Variants in PLEKHA7 observed in about 807,000 individuals in gnomAD.
PLEKHA7 encodes pleckstrin homology domain containing A7, also known as pleckstrin homology domain-containing family A member 7.
PLEKHA7 carries 104 observed loss-of-function variants against 170.0 expected under a neutral mutation model. That is an observed-to-expected ratio of 0.61 (90% confidence interval 0.52 to 0.72). The LOEUF is 0.72. Ranked by LOEUF, PLEKHA7 falls within the 30% of genes least tolerant of loss-of-function variation. The pLI is 0.00. For missense variants in PLEKHA7, 1,615 were observed against 1,671.7 expected, an observed-to-expected ratio of 0.97 and a Z score of 0.59; for synonymous variants, 648 against 660.8, an observed-to-expected ratio of 0.98 and a Z score of 0.30.
At chr11:16,785,119 C>G (rs1371860308) in intron 24 of PLEKHA7, among the ~76,000 whole-genome samples, 1 of 152,138 alleles carries the variant, frequency 6.6e-6, no homozygotes, top group Non-Finnish European at 1.5e-5. Context: ...TTCCTTTGTT[C>G]CCAAAGACCA....
chr11:16,786,183 G>A (rs1273076045), intron 24 of PLEKHA7, 46 bp downstream of exon 24: 3 of 1,529,158 alleles, frequency 2.0e-6, no homozygotes, highest in Non-Finnish European at 2.6e-6. Flanking sequence ...CTGGGAACTT[G>A]AAGGCCATGT....
chr11:16,834,767 G>C (rs1851378146), intron 9 of PLEKHA7, among the ~76,000 whole-genome samples: 1 of 152,106 alleles, frequency 6.6e-6, no homozygotes, highest in Admixed American at 6.5e-5. Context: ...CAAAAAGGTT[G>C]TTGAGAATCA....
intron 26 of PLEKHA7, chr11:16,781,352 G>A (rs969283010): frequency 3.9e-5 from 6 of 152,680 alleles, no homozygotes; most frequent in African/African-American, 1.4e-4. Context: ...AGCATGTTAG[G>A]GCTGGGAGCG....
rs1247582738 is a variant in PLEKHA7, at chr11:16,826,190, G to A, written c.1273C>T (p.His425Tyr). Residue 425 changes from histidine to tyrosine, a missense_variant, in exon 10 of 27, where the codon CAC (histidine) becomes TAC (tyrosine). By Grantham distance (83) the His-to-Tyr change is moderately conservative. Coordinates refer to ENST00000531066, the MANE Select transcript of PLEKHA7 (RefSeq NM_001329630.2). ...AFPPRTNPEK[H>Y]SQRKSNLAQV... Reference sequence around the variant, plus strand: ...GCCAGATTGCTCTTCCTTTGGCTGTGTTTTTCAGGGTTGGTCCTGGGAGGA... The same window carrying A: ...GCCAGATTGCTCTTCCTTTGGCTGTATTTTTCAGGGTTGGTCCTGGGAGGA... The A allele has an allele frequency of 6.2e-7, 1 of 1,614,210 alleles. No homozygotes were observed. The highest frequency in any genetic ancestry group is 8.5e-7 in the Non-Finnish European group (1 of 1,180,044).
intron 10 of PLEKHA7, among the ~76,000 whole-genome samples, chr11:16,819,578 A>G (rs888632367): frequency 3.9e-5 from 6 of 152,222 alleles, no homozygotes; most frequent in African/African-American, 1.2e-4. Context: ...TTTGGTGCTG[A>G]TATTGTGCCA....
chr11:16,845,672 A>G (rs988640858), intron 8 of PLEKHA7, among the ~76,000 whole-genome samples: 2 of 152,050 alleles, frequency 1.3e-5, no homozygotes, highest in African/African-American at 2.4e-5. Flanking sequence ...CAGCCTTATT[A>G]AAGGGTTTAA....
At position 16,803,035 on chromosome 11, in the gene PLEKHA7, G is replaced by C; in HGVS notation, c.2094C>G (p.Phe698Leu). The change falls in exon 15 of 27, where the codon TTC becomes TTG. Residue 698 changes from phenylalanine to leucine, a missense_variant. Physicochemically the swap from Phe to Leu is conservative, Grantham distance 22 (BLOSUM62 0). Coordinates refer to ENST00000531066, the MANE Select transcript of PLEKHA7 (RefSeq NM_001329630.2). ...ESDTDVKLSIFCEQDRVLQDL... is the reference protein window; with the variant it reads ...ESDTDVKLSILCEQDRVLQDL... ...CCTGGAGGACCCTGTCTTGTTCACA[G>C]AAGATGCTCAGTTTGACCTAAAAGC... The C allele has an allele frequency of 6.8e-6, 11 of 1,614,158 alleles. No individual in the cohort carries two copies. Among genetic ancestry groups the C allele is most frequent in the Non-Finnish European group, 9.3e-6 (11 of 1,180,004 alleles).
chr11:16,977,198 C>T (rs1464081918), intron 3 of PLEKHA7, among the ~76,000 whole-genome samples: 2 of 152,220 alleles, frequency 1.3e-5, no homozygotes, highest in Non-Finnish European at 2.9e-5. Flanking sequence ...ACCATGTCAA[C>T]TCCTTGTTCA....
intron 3 of PLEKHA7, among the ~76,000 whole-genome samples, chr11:16,919,740 A>G (rs763772569): frequency 2.6e-4 from 39 of 152,164 alleles, no homozygotes; most frequent in Non-Finnish European, 4.6e-4. Context: ...TCCAGTTCCA[A>G]TACTCAGATT....
At chr11:16,906,473 G>A (rs1258956774) in intron 3 of PLEKHA7, among the ~76,000 whole-genome samples, 20 of 141,586 alleles carry the variant, frequency 1.4e-4, no homozygotes, top group Admixed American at 9.7e-4. Flanking sequence ...GGCACGCGCC[G>A]CCATGCCTGA....
chr11:16,850,693 A>C (rs925748800), intron 8 of PLEKHA7, among the ~76,000 whole-genome samples: 4 of 152,254 alleles, frequency 2.6e-5, no homozygotes, highest in African/African-American at 4.8e-5. Flanking sequence ...ATCTGCCTGG[A>C]AATCTTCTAT....
chr11:16,985,091 C>T (rs755114396), intron 3 of PLEKHA7, among the ~76,000 whole-genome samples: 19 of 152,240 alleles, frequency 1.2e-4, no homozygotes, highest in Non-Finnish European at 2.2e-4. Flanking sequence ...ACCCTGTCTG[C>T]ATGTTCTTCT....
At chr11:16,982,910 T>C (rs540349924) in intron 3 of PLEKHA7, among the ~76,000 whole-genome samples, 1 of 152,030 alleles carries the variant, frequency 6.6e-6, no homozygotes, top group East Asian at 1.9e-4. Context: ...ACACACTATT[T>C]CGAGACACTG....
chr11:16,991,665 G>A (rs1033745717), intron 3 of PLEKHA7, among the ~76,000 whole-genome samples: 2 of 152,150 alleles, frequency 1.3e-5, no homozygotes, highest in African/African-American at 2.4e-5. Flanking sequence ...AGAGGTAATG[G>A]GGTTGGAGAG....
chr11:16,872,971 G>A (rs1268640505), intron 3 of PLEKHA7, among the ~76,000 whole-genome samples: 1 of 152,022 alleles, frequency 6.6e-6, no homozygotes, highest in Non-Finnish European at 1.5e-5. Flanking sequence ...TATTTTAGGT[G>A]CCTCCCCCCC....
At chr11:16,785,198 C>A (rs1235164983) in intron 24 of PLEKHA7, among the ~76,000 whole-genome samples, 1 of 152,194 alleles carries the variant, frequency 6.6e-6, no homozygotes, top group Non-Finnish European at 1.5e-5. Flanking sequence ...GGCCTGGCAC[C>A]ACCTCTTAAG....
At chr11:16,969,852 T>C (rs1325991773) in intron 3 of PLEKHA7, among the ~76,000 whole-genome samples, 4 of 152,232 alleles carry the variant, frequency 2.6e-5, no homozygotes, top group Admixed American at 6.5e-5. Context: ...ATATCCTTCC[T>C]TTTCTCTTGA....
In PLEKHA7 at chr11:16,816,705, T is replaced by G. The variant is rs1256447718; in HGVS notation, c.1866+95A>C. The G allele has an allele frequency of 5.6e-6, 8 of 1,430,756 alleles. 1 individual carries two copies. The South Asian group carries it at 9.2e-5, about 16-fold the overall frequency. 88.6% of individuals were successfully genotyped at this position (1,430,756 alleles called of 1,614,324 possible). On this transcript the variant is annotated intron_variant, in intron 11 of 26. Coordinates refer to ENST00000531066, the MANE Select transcript of PLEKHA7 (RefSeq NM_001329630.2). ...ACTGCCTAAGTATTAGCTATCATTATTATCCCAAATTACTCAAATTTGTGT... is the reference window on the plus strand; with the variant it reads ...ACTGCCTAAGTATTAGCTATCATTAGTATCCCAAATTACTCAAATTTGTGT...
rs186000712 is a variant in PLEKHA7 at position 16,915,519 on chromosome 11, C to T, written c.222-44337G>A. On this transcript the variant is annotated intron_variant, in intron 3 of 26. Transcript: ENST00000531066. ...CAATGCTATCCCTCCCCCCTCCCCC[C>T]ACCCCACAACAGTCCCCAGAGTGTG... Among the ~76,000 whole-genome samples the T allele has an allele frequency of 9.8e-3, 1,175 of 120,024 alleles. 26 individuals are homozygous for T. Among genetic ancestry groups the T allele is most frequent in the African/African-American group, 0.034 (1,099 of 32,082 alleles). The allele number at this position is 120,024 out of a possible 152,430, so 78.7% of individuals were successfully genotyped here.
Sources: allele counts gnomAD v4.1 joint callset (sites outside exome capture counted in the v4.1 genomes callset), GRCh38; gene constraint gnomAD v4.1.1; transcripts MANE v1.5; gene names NCBI Gene and HGNC (gene_info 2026-07-23, HGNC 2026-07-21).